RBFOX1: variants seen among roughly 807,000 people sequenced by gnomAD.
RBFOX1 encodes the protein RNA binding protein fox-1 homolog 1.
A neutral mutation model predicts 57.7 loss-of-function variants in RBFOX1; 8 were observed. That is an observed-to-expected ratio of 0.14 (90% CI 0.08 to 0.25). The LOEUF is 0.25. Ranked by LOEUF, RBFOX1 falls within the 10% of genes least tolerant of loss-of-function variation. The probability of loss-of-function intolerance (pLI) is 1.00; values close to 1 mark genes in which losing one functional copy is unlikely to be tolerated. For missense variants in RBFOX1, 611 were observed against 548.5 expected, an observed-to-expected ratio of 1.11 and a Z score of -1.14; for synonymous variants, 326 against 222.4, an observed-to-expected ratio of 1.47 and a Z score of -4.15.
At chr16:6,217,779 C>T (rs186260320) in intron 1 of RBFOX1, among the ~76,000 whole-genome samples, 2 of 152,292 alleles carry the variant, frequency 1.3e-5, no homozygotes, top group East Asian at 1.9e-4. Context: ...CTTTGGGAGG[C>T]TAAGGCGGGT....
At chr16:6,460,764 A>G (rs2094898722) in intron 2 of RBFOX1, among the ~76,000 whole-genome samples, 1 of 151,830 alleles carries the variant, frequency 6.6e-6, no homozygotes. Context: ...CCAAAGGAAT[A>G]TAAATCATTC....
intron 2 of RBFOX1, among the ~76,000 whole-genome samples, chr16:6,525,735 A>G (rs1339004625): frequency 6.6e-6 from 1 of 152,018 alleles, no homozygotes; most frequent in Non-Finnish European, 1.5e-5. Context: ...AAAGGAGGGA[A>G]GGGCTGAAAA....
Position 6,851,807 on chromosome 16 carries a change from G to A in RBFOX1, c.-16+197157G>A, listed in dbSNP as rs568093958. Among the ~76,000 whole-genome samples, 170 of 152,158 alleles carry A rather than the reference G, an allele frequency of 1.1e-3. 1 individual carries two copies. Among genetic ancestry groups the A allele is most frequent in the Non-Finnish European group, 2.1e-3 (142 of 68,020 alleles). ...CCGGACCCTTAACTCCTTCCTCTGG[G>A]CATCAAGGCGCAGACATGGATGATG... On this transcript the variant is annotated intron_variant, in intron 3 of 15. Transcript: ENST00000550418.
intron 2 of RBFOX1, among the ~76,000 whole-genome samples, chr16:6,629,407 CAATT>C (rs1567953326): frequency 6.6e-6 from 1 of 152,200 alleles, no homozygotes; most frequent in African/African-American, 2.4e-5. Context: ...CCAACAGCTA[CAATT>C]TTTCAAAGTC....
exon 1 of RBFOX1, chr16:5,240,019 C>G: frequency 6.5e-7 from 1 of 1,531,310 alleles, no homozygotes; most frequent in Non-Finnish European, 8.7e-7. Flanking sequence ...GGGAAGCGCA[C>G]AGCCCGAGGA....
chr16:5,515,339 C>T (rs1269772893), intron 2 of RBFOX1, among the ~76,000 whole-genome samples: 1 of 152,208 alleles, frequency 6.6e-6, no homozygotes, highest in Non-Finnish European at 1.5e-5. Context: ...CTGCAAAGCC[C>T]CCACCTCACT....
chr16:5,487,232 C>A (rs1366077126), intron 2 of RBFOX1, among the ~76,000 whole-genome samples: 2 of 152,176 alleles, frequency 1.3e-5, no homozygotes, highest in South Asian at 4.1e-4. Flanking sequence ...TCCAAGTGCC[C>A]TACTGGACTG....
rs575124309 is a variant in RBFOX1 at position 6,300,474 on chromosome 16, C to T, written c.-126-16521C>T. On this transcript the variant is annotated intron_variant, in intron 1 of 15. Coordinates refer to ENST00000550418, the MANE Select transcript of RBFOX1 (RefSeq NM_018723.4). ...CTTAAAGAATAAAAAGAAATCCCTCCGCCAACCCAACTACCTACCTCACAA... is the reference window on the plus strand; with the variant it reads ...CTTAAAGAATAAAAAGAAATCCCTCTGCCAACCCAACTACCTACCTCACAA... Among the ~76,000 whole-genome samples, 5 of 152,216 alleles carry T rather than the reference C, an allele frequency of 3.3e-5. No homozygotes were observed. In the South Asian group the frequency reaches 8.3e-4, roughly 25 times the overall value.
Position 6,057,319 on chromosome 16 carries a change from T to C in RBFOX1, c.-127+37327T>C, listed in dbSNP as rs557364087. ...CCTGGGTTTTTTTTTTCTGTCTTTA[T>C]AGTTTAATATCATGCAACTGTTTAT... On this transcript the variant is annotated intron_variant, in intron 1 of 15. Transcript: ENST00000550418. Among the ~76,000 whole-genome samples, 32 of 152,216 alleles carry C rather than the reference T, an allele frequency of 2.1e-4. No individual in the cohort carries two copies. The South Asian group carries it at 6.2e-3, about 30-fold the overall frequency.
intron 2 of RBFOX1, among the ~76,000 whole-genome samples, chr16:5,507,204 A>G (rs1459307299): frequency 7.2e-5 from 11 of 152,116 alleles, no homozygotes; most frequent in South Asian, 2.1e-4. Context: ...GGCACCGAAT[A>G]AGCAACACCA....
chr16:5,737,524 ATTTT>A (rs35288763), intron 3 of RBFOX1, among the ~76,000 whole-genome samples: 9 of 128,270 alleles, frequency 7.0e-5, no homozygotes, highest in African/African-American at 5.9e-5. Context: ...AATATTCTGG[ATTTT>A]TTTTTTTTTT....
At chr16:5,604,111 G>T (rs1222815340), downstream of RBFOX1, among the ~76,000 whole-genome samples, 1 of 152,170 alleles carries the variant, frequency 6.6e-6, no homozygotes, top group African/African-American at 2.4e-5. Context: ...GTGCAGTTAA[G>T]TGGAAGAACC....
intron 3 of RBFOX1, among the ~76,000 whole-genome samples, chr16:7,042,293 A>C (rs1001087822): frequency 7.9e-5 from 12 of 152,206 alleles, no homozygotes; most frequent in Admixed American, 6.5e-5. Context: ...AGGAGGGCTA[A>C]CAGTGTAGGT....
intron 2 of RBFOX1, among the ~76,000 whole-genome samples, chr16:6,361,637 A>T (rs970933343): frequency 6.6e-6 from 1 of 151,970 alleles, no homozygotes; most frequent in Admixed American, 6.6e-5. Flanking sequence ...CTAAAAAAAA[A>T]AAAAAAAATC....
chr16:6,649,964 T>C (rs2098568467), intron 2 of RBFOX1, among the ~76,000 whole-genome samples: 1 of 152,218 alleles, frequency 6.6e-6, no homozygotes, highest in Non-Finnish European at 1.5e-5. Context: ...ATTGTGCTGC[T>C]ATAAAAGTGG....
chr16:7,333,744 T>C (rs1225049970), intron 4 of RBFOX1, among the ~76,000 whole-genome samples: 2 of 148,306 alleles, frequency 1.3e-5, no homozygotes, highest in African/African-American at 2.6e-5. Flanking sequence ...AGAGGATTAA[T>C]CTACCAATAA....
chr16:7,558,363 C>A (rs1359884565), intron 5 of RBFOX1, among the ~76,000 whole-genome samples: 1 of 151,632 alleles, frequency 6.6e-6, no homozygotes, highest in Non-Finnish European at 1.5e-5. Flanking sequence ...CAAAATAAGA[C>A]ATACATATAT....
At chr16:5,426,739 T>G (rs904990204) in intron 1 of RBFOX1, among the ~76,000 whole-genome samples, 9 of 152,152 alleles carry the variant, frequency 5.9e-5, no homozygotes, top group African/African-American at 1.2e-4. Context: ...GCAGAGAAAC[T>G]TCTCCTGATT....
At chr16:6,999,206 A>ATTTTATTTTATTTTATTTTTT (rs1568299754) in intron 3 of RBFOX1, among the ~76,000 whole-genome samples, 1 of 72,120 alleles carries the variant, frequency 1.4e-5, no homozygotes, top group South Asian at 5.3e-4. Context: ...TTTATTTTTT[A>ATTTTATTTTATTTTATTTTTT]TTTTTATTTA....
Sources: allele counts gnomAD v4.1 joint callset (sites outside exome capture counted in the v4.1 genomes callset), GRCh38; gene constraint gnomAD v4.1.1; transcripts MANE v1.5; gene names NCBI Gene and HGNC (gene_info 2026-07-23, HGNC 2026-07-21).